Variants in ZNF710 observed in about 807,000 individuals in gnomAD.
ZNF710 encodes the protein zinc finger protein 710.
A neutral mutation model predicts 50.6 loss-of-function variants in ZNF710; 13 were observed. The observed-to-expected ratio is 0.26, with a 90% CI of 0.17 to 0.41. The LOEUF (loss-of-function observed/expected upper bound fraction) is 0.41, where lower values mean the gene tolerates loss of function less well. Among genes scored for constraint, ZNF710 ranks in the 10% least tolerant of loss-of-function variants. The probability of loss-of-function intolerance (pLI) is 1.00; values close to 1 mark genes in which losing one functional copy is unlikely to be tolerated. For missense variants in ZNF710, 721 were observed against 936.6 expected (o/e 0.77, Z 3.01); for synonymous variants, 383 against 397.0 (o/e 0.96, Z 0.42).
chr15:90,006,957 C>CT (rs1244298522), intron 1 of ZNF710: 1 of 154,548 alleles, frequency 6.5e-6, no homozygotes, highest in East Asian at 1.9e-4. Context: ...TGATGTTTGG[C>CT]TTTTTCCAGT....
intron 1 of ZNF710, among the ~76,000 whole-genome samples, chr15:90,010,461 A>AT (rs1305835878): frequency 1.3e-5 from 2 of 151,254 alleles, no homozygotes; most frequent in African/African-American, 2.4e-5. Context: ...GCTAATTTTT[A>AT]TTTTTTTTAT....
intron 1 of ZNF710, among the ~76,000 whole-genome samples, chr15:90,057,069 ACT>A (rs947465885): frequency 2.6e-5 from 4 of 151,226 alleles, no homozygotes; most frequent in African/African-American, 4.9e-5. Flanking sequence ...TTCTGGCCTC[ACT>A]CTACCCCATG....
intron 1 of ZNF710, among the ~76,000 whole-genome samples, chr15:90,013,141 C>G (rs1898359597): frequency 6.6e-6 from 1 of 152,078 alleles, no homozygotes; most frequent in Non-Finnish European, 1.5e-5. Context: ...TCTTGTTGCC[C>G]AGGCTGGAGT....
At chr15:90,025,895 T>C (rs1898760521) in intron 1 of ZNF710, 1 of 152,178 alleles carries the variant, frequency 6.6e-6, no homozygotes, top group African/African-American at 2.4e-5. Flanking sequence ...CTGACAAATA[T>C]TTAGAAAGCA....
rs1555460369 is a variant in ZNF710 at position 90,078,226 on chromosome 15, A to AAG, written c.1826-1433_1826-1432insGA. Among the ~76,000 whole-genome samples the AAG allele has an allele frequency of 2.0e-5, 3 of 149,502 alleles. No individual in the cohort carries two copies. In the East Asian group the frequency reaches 5.8e-4, roughly 29 times the overall value. ...AACTCGGTCTCAAAAAAAAAAAAAA[A>AAG]AAGAAGAGAAAAGAAATGGTTCAAA... On this transcript the variant is annotated intron_variant, in intron 4 of 4. Coordinates refer to ENST00000268154, the MANE Select transcript of ZNF710 (RefSeq NM_198526.4).
chr15:90,018,887 TTTTGTTTG>T (rs71461838), intron 1 of ZNF710, among the ~76,000 whole-genome samples: 1 of 151,540 alleles, frequency 6.6e-6, no homozygotes, highest in Non-Finnish European at 1.5e-5. Flanking sequence ...TCTAGTGGTT[TTTTGTTTG>T]TTTGTTTGTT....
At chr15:90,009,223 C>T (rs2151461874) in intron 1 of ZNF710, among the ~76,000 whole-genome samples, 1 of 152,150 alleles carries the variant, frequency 6.6e-6, no homozygotes, top group Non-Finnish European at 1.5e-5. Context: ...TGGTAAAAGA[C>T]AACGGCTAAA....
intron 1 of ZNF710, among the ~76,000 whole-genome samples, chr15:90,037,297 C>T (rs1192355415): frequency 2.0e-5 from 3 of 152,224 alleles, no homozygotes; most frequent in Non-Finnish European, 4.4e-5. Context: ...CTGGTCCAGC[C>T]TGGGTGTTGG....
At chr15:90,008,453 T>TACATATATATACAC (rs1898208603) in intron 1 of ZNF710, among the ~76,000 whole-genome samples, 5 of 127,932 alleles carry the variant, frequency 3.9e-5, no homozygotes, top group African/African-American at 1.8e-4. Flanking sequence ...TATATATATA[T>TACATATATATACAC]GTATATATAT....
chr15:90,025,387 T>C (rs150984468), intron 1 of ZNF710: 4 of 152,302 alleles, frequency 2.6e-5, no homozygotes, highest in Non-Finnish European at 4.4e-5. Context: ...AATCTTATTA[T>C]TAAAATAGTC....
chr15:90,057,040 A>G (rs1432793729), intron 1 of ZNF710, among the ~76,000 whole-genome samples: 2 of 152,124 alleles, frequency 1.3e-5, no homozygotes. Flanking sequence ...CACTTGCCCA[A>G]GCTCTCTGCC....
In ZNF710 at chr15:90,073,060, C is replaced by G. The variant is rs1486744254; in HGVS notation, c.1459-11C>G. ...ATTGTGTGGCCCTGACCATCACCCC[C>G]CACCCCACAGGGCGTGAAGGAGTTC... On this transcript the variant is annotated splice_polypyrimidine_tract_variant and intron_variant, in intron 2 of 4. Transcript: ENST00000268154. 1.9e-6 allele frequency: 3 copies of G among 1,610,666 alleles called. No individual in the cohort carries two copies. Among genetic ancestry groups the G allele is most frequent in the Non-Finnish European group, 2.5e-6 (3 of 1,177,640 alleles).
At chr15:90,029,285 G>A (rs149959987) in intron 1 of ZNF710, among the ~76,000 whole-genome samples, 1 of 152,184 alleles carries the variant, frequency 6.6e-6, no homozygotes, top group Non-Finnish European at 1.5e-5. Context: ...CACCAGCCAG[G>A]TGTGTGTCAT....
At chr15:90,048,260 G>A (rs1347717989) in intron 1 of ZNF710, among the ~76,000 whole-genome samples, 1 of 152,256 alleles carries the variant, frequency 6.6e-6, no homozygotes, top group African/African-American at 2.4e-5. Context: ...AGCTGTGTGA[G>A]CAGGCCTGCT....
intron 1 of ZNF710, among the ~76,000 whole-genome samples, chr15:90,061,881 G>A (rs1900017682): frequency 6.6e-6 from 1 of 152,200 alleles, no homozygotes; most frequent in South Asian, 2.1e-4. Context: ...AGCCTTTACA[G>A]GACCCATGGG....
chr15:90,012,417 A>G (rs1265943955), intron 1 of ZNF710, among the ~76,000 whole-genome samples: 2 of 149,064 alleles, frequency 1.3e-5, no homozygotes, highest in African/African-American at 5.0e-5. Context: ...ACTACAGGCA[A>G]CCGCCACCAC....
rs151335302 is a variant in ZNF710 at position 90,042,531 on chromosome 15, C to T, written c.-28-24579C>T. Among the ~76,000 whole-genome samples the T allele has an allele frequency of 5.3e-4, 81 of 152,356 alleles. 1 individual carries two copies. In the East Asian group the frequency reaches 0.014, roughly 25 times the overall value. On this transcript the variant is annotated intron_variant, in intron 1 of 4. Coordinates refer to ENST00000268154, the MANE Select transcript of ZNF710 (RefSeq NM_198526.4). ...CAATAAACCAATCAGTCTTCCTCCA[C>T]TCAGCCTCTCTGCTCCCCGGCGTTT... is the stretch of plus-strand genomic sequence containing the variant.
rs190466061 is a variant in ZNF710, at chr15:90,020,348, C to T, written c.-29+18734C>T. 1.6e-4 allele frequency among the ~76,000 whole-genome samples: 25 copies of T among 152,300 alleles called. No individual in the cohort carries two copies. The East Asian group carries it at 4.6e-3, about 28-fold the overall frequency. ...CAGGCACCTCACAGCCCCTTCCCTC[C>T]TCCAGCTCTGCTACCAACGCCCCTG... On this transcript the variant is annotated intron_variant, in intron 1 of 4. Transcript: ENST00000268154.
At chr15:90,065,652 G>A (rs1027803603) in intron 1 of ZNF710, among the ~76,000 whole-genome samples, 2 of 152,238 alleles carry the variant, frequency 1.3e-5, no homozygotes, top group African/African-American at 4.8e-5. Flanking sequence ...TCACGGAGCA[G>A]GTGCCTCCAT....
Sources: gnomAD v4.1 joint callset for allele counts (sites outside exome capture counted in the v4.1 genomes callset) on GRCh38, gnomAD v4.1.1 for gene constraint, MANE v1.5 for transcripts, NCBI Gene and HGNC (gene_info 2026-07-23, HGNC 2026-07-21) for gene names.